The following SHE variants were observed in gnomAD, a reference collection of about 807,000 sequenced individuals.
SHE encodes SH2 domain-containing adapter protein E.
Under a neutral mutation model 49.8 loss-of-function variants are expected in SHE, and 11 were observed. The ratio of observed to expected loss-of-function variants is 0.22; its 90% CI spans 0.14 to 0.37. The LOEUF is 0.37. SHE is among the 10% of genes least tolerant of loss of function. SHE has a pLI of 1.00. For missense variants in SHE, 624 were observed against 655.5 expected (o/e 0.95, Z 0.52); for synonymous variants, 310 against 278.1 (o/e 1.11, Z -1.14).
At chr1:154,475,581 A>G (rs1167574291), downstream of SHE, among the ~76,000 whole-genome samples, 2 of 152,230 alleles carry the variant, frequency 1.3e-5, no homozygotes, top group African/African-American at 4.8e-5. Flanking sequence ...TTAAATGAGC[A>G]TTGCTTTTAG....
intron 1 of SHE, among the ~76,000 whole-genome samples, chr1:154,472,187 T>C (rs893389748): frequency 6.6e-6 from 1 of 151,976 alleles, no homozygotes; most frequent in African/African-American, 2.4e-5. Context: ...TTTAAATTAG[T>C]GTGCTGCTCT....
chr1:154,494,093 A>C (rs982966603), intron 2 of SHE, among the ~76,000 whole-genome samples: 1 of 152,202 alleles, frequency 6.6e-6, no homozygotes, highest in Non-Finnish European at 1.5e-5. Context: ...AAAACATTAA[A>C]CTTGGAGCCT....
chr1:154,488,277 G>A (rs1692246188), intron 3 of SHE, among the ~76,000 whole-genome samples: 1 of 151,232 alleles, frequency 6.6e-6, no homozygotes, highest in Admixed American at 6.6e-5. Context: ...TATTATTTTT[G>A]AGCCAGAGTC....
chr1:154,484,017 A>G lies in SHE; in HGVS notation c.*132T>C. Reference sequence around the variant, plus strand: ...CGTCTCAAACAAAACAAAACAAATCACTCTCTGACTTTTCAAGGAAGACTC... The same window carrying G: ...CGTCTCAAACAAAACAAAACAAATCGCTCTCTGACTTTTCAAGGAAGACTC... On this transcript the variant is annotated 3_prime_UTR_variant, in exon 6 of 6. Coordinates refer to ENST00000304760, the MANE Select transcript of SHE (RefSeq NM_001010846.3). 1 of 1,438,090 alleles carries G rather than the reference A, an allele frequency of 7.0e-7. No homozygotes were observed. The highest frequency in any genetic ancestry group is 9.1e-7 in the Non-Finnish European group (1 of 1,093,556). 89.1% of individuals were successfully genotyped at this position (1,438,090 alleles called of 1,614,324 possible). A position where few individuals can be genotyped will look rare whatever the true frequency, so the allele number is the denominator to read the frequency against.
chr1:154,483,680 G>C lies in SHE; in HGVS notation c.*469C>G. On this transcript the variant is annotated 3_prime_UTR_variant, in exon 6 of 6. Coordinates refer to ENST00000304760, the MANE Select transcript of SHE (RefSeq NM_001010846.3). ...ACAAGGGACAGGCCACAAACAAAGT[G>C]TCATGGAATCACTTTAAGACCAAAG... 1.0e-6 allele frequency: 1 copy of C among 988,346 alleles called. No homozygotes were observed. The allele number at this position is 988,346 out of a possible 1,614,324, so 61.2% of individuals were successfully genotyped here.
intron 1 of SHE, among the ~76,000 whole-genome samples, chr1:154,472,504 G>A (rs921914712): frequency 1.3e-5 from 2 of 152,216 alleles, no homozygotes; most frequent in Admixed American, 6.5e-5. Flanking sequence ...TGGCTGGACC[G>A]TGAGTTCCAC....
Position 154,482,694 on chromosome 1 carries a change from T to C in SHE, c.*1455A>G. 1.0e-6 allele frequency: 1 copy of C among 985,426 alleles called. No homozygotes were observed. Among genetic ancestry groups the C allele is most frequent in the Non-Finnish European group, 1.2e-6 (1 of 829,930 alleles). 61.0% of individuals were successfully genotyped at this position (985,426 alleles called of 1,614,324 possible). A position where few individuals can be genotyped will look rare whatever the true frequency, so the allele number is the denominator to read the frequency against. On this transcript the variant is annotated 3_prime_UTR_variant, in exon 6 of 6. Coordinates refer to ENST00000304760, the MANE Select transcript of SHE (RefSeq NM_001010846.3). The stretch of plus-strand genomic sequence containing the variant: ...CTCACAGTATGCCATTCCCATGGTT[T>C]TTTTCACAGTAAATAAACTGGTGAT...
chr1:154,477,160 TCCTGGAGGTGGAGATGGATA>T (rs1691896190), downstream of SHE, among the ~76,000 whole-genome samples: 1 of 152,182 alleles, frequency 6.6e-6, no homozygotes, highest in South Asian at 2.1e-4. Flanking sequence ...CAGAGGATTG[TCCTGGAGGTGGAGATGGATA>T]CCGAAAACCC....
At chr1:154,473,263 G>A (rs549755402) in intron 1 of SHE, among the ~76,000 whole-genome samples, 1 of 151,998 alleles carries the variant, frequency 6.6e-6, no homozygotes, top group African/African-American at 2.4e-5. Context: ...GCCTCCCAAA[G>A]TGCTGGGATT....
downstream of SHE, among the ~76,000 whole-genome samples, chr1:154,477,760 G>A (rs1211594062): frequency 3.9e-5 from 6 of 152,008 alleles, no homozygotes; most frequent in Admixed American, 6.5e-5. Context: ...GTGTTGTGGC[G>A]CATGCCTGTA....
intron 2 of SHE, among the ~76,000 whole-genome samples, chr1:154,490,724 G>C (rs1347321893): frequency 6.6e-6 from 1 of 152,020 alleles, no homozygotes; most frequent in African/African-American, 2.4e-5. Context: ...CAGGTGCCAA[G>C]GTGTAGACAT....
At chr1:154,472,666 A>C (rs910491606) in intron 1 of SHE, among the ~76,000 whole-genome samples, 3 of 152,206 alleles carry the variant, frequency 2.0e-5, no homozygotes, top group Non-Finnish European at 4.4e-5. Context: ...TACACAGGTG[A>C]TGCTGCTGTA....
chr1:154,490,217 G>C (rs769166680), intron 2 of SHE, among the ~76,000 whole-genome samples: 5 of 152,182 alleles, frequency 3.3e-5, no homozygotes, highest in Non-Finnish European at 7.3e-5. Context: ...ATAACTCCAG[G>C]ATAAATCAAA....
intron 2 of SHE, among the ~76,000 whole-genome samples, chr1:154,497,687 C>T (rs866559647): frequency 1.3e-4 from 20 of 148,158 alleles, no homozygotes; most frequent in African/African-American, 4.9e-4. Flanking sequence ...TTTTTCTTTT[C>T]TTTTTTTTTT....
intron 2 of SHE, among the ~76,000 whole-genome samples, chr1:154,495,046 C>T (rs1417881267): frequency 6.6e-5 from 10 of 152,124 alleles, no homozygotes; most frequent in East Asian, 1.9e-4. Context: ...AGCGAGACTC[C>T]GTCTCAAAAA....
In SHE at chr1:154,501,622, G is replaced by C. The variant is rs1038732881; in HGVS notation, c.405C>G (p.Thr135=). 1 of 1,614,148 alleles carries C rather than the reference G, an allele frequency of 6.2e-7. No individual in the cohort carries two copies. Among genetic ancestry groups the C allele is most frequent in the East Asian group, 2.2e-5 (1 of 44,874 alleles). Residue 135 remains threonine (T), a synonymous_variant, in exon 1 of 6, where the codon ACC becomes ACG. Coordinates refer to ENST00000304760, the MANE Select transcript of SHE (RefSeq NM_001010846.3). ...ATEEEPHRGA[T]KSSGCSTYIN... ...TGTAGGTGCTGCAGCCCGAGCTCTT[G>C]GTTGCACCCCGGTGGGGCTCCTCCT...
At chr1:154,499,813 C>G (rs1692651176) in intron 1 of SHE, among the ~76,000 whole-genome samples, 1 of 152,102 alleles carries the variant, frequency 6.6e-6, no homozygotes, top group African/African-American at 2.4e-5. Flanking sequence ...TGTAGGTGTT[C>G]TACGTTCAAT....
At chr1:154,475,263 C>T (rs1057104247), downstream of SHE, among the ~76,000 whole-genome samples, 3 of 151,954 alleles carry the variant, frequency 2.0e-5, no homozygotes, top group South Asian at 2.1e-4. Flanking sequence ...CTTGGCTCAC[C>T]GCAACCTCCG....
chr1:154,494,450 C>T (rs1015796273), intron 2 of SHE, among the ~76,000 whole-genome samples: 4 of 143,172 alleles, frequency 2.8e-5, no homozygotes, highest in Non-Finnish European at 6.0e-5. Context: ...CTGGCCTCAA[C>T]TGATCCTCCC....
Sources: gnomAD v4.1 joint callset for allele counts (sites outside exome capture counted in the v4.1 genomes callset) on GRCh38, gnomAD v4.1.1 for gene constraint, MANE v1.5 for transcripts, NCBI Gene and HGNC (gene_info 2026-07-23, HGNC 2026-07-21) for gene names.